WDPCP: variants seen among roughly 807,000 people sequenced by gnomAD.
The protein encoded by WDPCP is WD repeat containing planar cell polarity effector.
WDPCP carries 71 observed loss-of-function variants against 93.1 expected under a neutral mutation model. The observed-to-expected ratio is 0.76, with a 90% CI of 0.63 to 0.93. The LOEUF is 0.93. Among genes scored for constraint, WDPCP ranks in the 40% least tolerant of loss-of-function variants. The pLI, the probability that WDPCP is intolerant of heterozygous loss-of-function variation, is 0.00. For missense variants in WDPCP, 844 were observed against 887.4 expected (o/e 0.95, Z 0.62); for synonymous variants, 315 against 315.0 (o/e 1.00, Z 0.00).
chr2:63,801,298 T>C (rs1190161563), intron 2 of WDPCP, among the ~76,000 whole-genome samples: 1 of 152,180 alleles, frequency 6.6e-6, no homozygotes. Context: ...ATAGTGCTCC[T>C]TTAGTGTCTC....
chr2:63,144,036 T>C (rs1671283342), intron 17 of WDPCP, among the ~76,000 whole-genome samples: 1 of 152,218 alleles, frequency 6.6e-6, no homozygotes, highest in South Asian at 2.1e-4. Context: ...AGATATGTTT[T>C]CCAAGCTTTT....
intron 1 of WDPCP, among the ~76,000 whole-genome samples, chr2:63,552,859 A>AC: frequency 6.6e-6 from 1 of 152,236 alleles, no homozygotes; most frequent in African/African-American, 2.4e-5. Flanking sequence ...GAGATAAGAG[A>AC]ATCACACATA....
At chr2:63,543,581 A>C (rs1255697132) in intron 1 of WDPCP, among the ~76,000 whole-genome samples, 4 of 151,890 alleles carry the variant, frequency 2.6e-5, no homozygotes, top group African/African-American at 9.7e-5. Context: ...ATTTTTTTTT[A>C]CTTTATTTCA....
At chr2:63,143,630 C>T (rs1377902254) in intron 17 of WDPCP, among the ~76,000 whole-genome samples, 1 of 152,088 alleles carries the variant, frequency 6.6e-6, no homozygotes, top group African/African-American at 2.4e-5. Flanking sequence ...ATAGTGGTGG[C>T]TTGGTAATGG....
intron 1 of WDPCP, among the ~76,000 whole-genome samples, chr2:63,577,610 T>C (rs960009834): frequency 1.3e-5 from 2 of 152,178 alleles, no homozygotes; most frequent in Admixed American, 6.5e-5. Flanking sequence ...AAAACTGTTC[T>C]ACATTTTTAA....
At chr2:63,661,779 G>A (rs1710229382) in intron 2 of WDPCP, among the ~76,000 whole-genome samples, 1 of 152,180 alleles carries the variant, frequency 6.6e-6, no homozygotes, top group East Asian at 1.9e-4. Flanking sequence ...GAATATTGCA[G>A]ACAGTGGGTG....
At chr2:63,476,684 C>T (rs1699993593) in intron 6 of WDPCP, among the ~76,000 whole-genome samples, 1 of 152,102 alleles carries the variant, frequency 6.6e-6, no homozygotes, top group Admixed American at 6.6e-5. Flanking sequence ...TCAATAAATA[C>T]TGTGTGATGA....
intron 12 of WDPCP, among the ~76,000 whole-genome samples, chr2:63,317,936 A>G (rs565681200): frequency 6.6e-6 from 1 of 152,320 alleles, no homozygotes; most frequent in South Asian, 2.1e-4. Context: ...ATTAAACTAA[A>G]GAACTTCTGC....
chr2:63,710,811 C>G (rs566813045), intron 2 of WDPCP, among the ~76,000 whole-genome samples: 1 of 152,200 alleles, frequency 6.6e-6, no homozygotes, highest in African/African-American at 2.4e-5. Context: ...TGGATAATCC[C>G]CATGTGGGAA....
At chr2:63,188,312 A>T (rs998584241) in intron 14 of WDPCP, among the ~76,000 whole-genome samples, 2 of 151,958 alleles carry the variant, frequency 1.3e-5, no homozygotes, top group Non-Finnish European at 2.9e-5. Flanking sequence ...TGAGACTCCT[A>T]TACTACATAT....
intron 12 of WDPCP, among the ~76,000 whole-genome samples, chr2:63,315,447 AT>A (rs1252655620): frequency 6.6e-6 from 1 of 152,186 alleles, no homozygotes; most frequent in East Asian, 1.9e-4. Context: ...GCCCTCAATG[AT>A]TTTTTAACAT....
At chr2:63,407,399 T>C (rs1022619905) in intron 9 of WDPCP, among the ~76,000 whole-genome samples, 1 of 152,194 alleles carries the variant, frequency 6.6e-6, no homozygotes, top group Non-Finnish European at 1.5e-5. Flanking sequence ...ATTTTTTCTC[T>C]AAATCAGATG....
At chr2:63,746,822 G>A (rs1669805249) in intron 2 of WDPCP, among the ~76,000 whole-genome samples, 1 of 152,154 alleles carries the variant, frequency 6.6e-6, no homozygotes, top group Non-Finnish European at 1.5e-5. Flanking sequence ...AGTGATTCTA[G>A]TTTCGCCCTG....
chr2:63,637,306 C>T (rs1351216369), intron 3 of WDPCP, among the ~76,000 whole-genome samples: 1 of 150,602 alleles, frequency 6.6e-6, no homozygotes, highest in Non-Finnish European at 1.5e-5. Flanking sequence ...GAGCCGAGAT[C>T]ATGCCACTGC....
chr2:63,471,089 ACT>A (rs1699663694), intron 6 of WDPCP, among the ~76,000 whole-genome samples: 2 of 151,790 alleles, frequency 1.3e-5, no homozygotes, highest in Non-Finnish European at 2.9e-5. Context: ...TAGTAGTTGC[ACT>A]CTCTTACATA....
intron 17 of WDPCP, among the ~76,000 whole-genome samples, chr2:63,147,677 C>T (rs1671608833): frequency 6.6e-6 from 1 of 152,146 alleles, no homozygotes; most frequent in Non-Finnish European, 1.5e-5. Flanking sequence ...TAGAAAGTTA[C>T]AGCCTAATAG....
chr2:63,637,633 G>A (rs1383148622), intron 3 of WDPCP, among the ~76,000 whole-genome samples: 1 of 152,070 alleles, frequency 6.6e-6, no homozygotes, highest in Non-Finnish European at 1.5e-5. Flanking sequence ...AGACCTGAAT[G>A]AATATTTTTC....
chr2:63,605,599 C>T (rs1709512730), intron 3 of WDPCP, among the ~76,000 whole-genome samples: 1 of 152,166 alleles, frequency 6.6e-6, no homozygotes, highest in Admixed American at 6.5e-5. Flanking sequence ...CTATTATACA[C>T]AGGGTTGTGA....
At chr2:63,700,282 C>CAAAAAAAAAAAAAAAAAAAAAAAAAA (rs1196006011) in intron 2 of WDPCP, among the ~76,000 whole-genome samples, 1 of 41,574 alleles carries the variant, frequency 2.4e-5, no homozygotes, top group Non-Finnish European at 4.4e-5. Flanking sequence ...GACCCTGTCT[C>CAAAAAAAAAAAAAAAAAAAAAAAAAA]AAAAAAAAAA....
Sources: allele counts gnomAD v4.1 joint callset (sites outside exome capture counted in the v4.1 genomes callset), GRCh38; gene constraint gnomAD v4.1.1; transcripts MANE v1.5; gene names NCBI Gene and HGNC (gene_info 2026-07-23, HGNC 2026-07-21).